CNTN1: variants seen among roughly 807,000 people sequenced by gnomAD.
CNTN1 encodes the protein contactin 1, also known as contactin-1.
CNTN1 carries 38 observed loss-of-function variants against 126.4 expected under a neutral mutation model. That is an observed-to-expected ratio of 0.30 (90% CI 0.23 to 0.39). The LOEUF (loss-of-function observed/expected upper bound fraction) is 0.39, where lower values mean the gene tolerates loss of function less well. Among genes scored for constraint, CNTN1 ranks in the 10% least tolerant of loss-of-function variants. The pLI, the probability that CNTN1 is intolerant of heterozygous loss-of-function variation, is 1.00. For synonymous variants in CNTN1, 413 were observed against 422.6 expected (o/e 0.98, Z 0.28); for missense variants, 1,009 against 1,248.4 (o/e 0.81, Z 2.89).
chr12:40,759,145 C>T (rs1000346471), intron 1 of CNTN1, among the ~76,000 whole-genome samples: 1 of 152,084 alleles, frequency 6.6e-6, no homozygotes, highest in African/African-American at 2.4e-5. Context: ...CTTAAGTGAT[C>T]CATTTGCCTC....
intron 1 of CNTN1, among the ~76,000 whole-genome samples, chr12:40,877,202 G>A (rs1276247102): frequency 6.6e-6 from 1 of 152,152 alleles, no homozygotes; most frequent in Non-Finnish European, 1.5e-5. Flanking sequence ...GCTCAGTGAA[G>A]GTCAGGCATA....
At chr12:40,826,146 T>C (rs1229110486) in intron 1 of CNTN1, among the ~76,000 whole-genome samples, 1 of 152,214 alleles carries the variant, frequency 6.6e-6, no homozygotes, top group East Asian at 1.9e-4. Flanking sequence ...GTTTTGTCAA[T>C]AATTTAGATT....
intron 3 of CNTN1, among the ~76,000 whole-genome samples, chr12:40,916,522 C>T (rs916797555): frequency 9.2e-5 from 14 of 152,022 alleles, no homozygotes; most frequent in African/African-American, 3.4e-4. Context: ...CTCATTTTTT[C>T]CCTGCTGTGC....
intron 17 of CNTN1, among the ~76,000 whole-genome samples, chr12:41,010,295 G>A (rs187005108): frequency 1.1e-3 from 161 of 152,292 alleles, no homozygotes; most frequent in Admixed American, 2.0e-3. Context: ...GGGGCAGTCC[G>A]ACTTCCAATG....
At chr12:40,963,532 G>A (rs116439410) in intron 15 of CNTN1, among the ~76,000 whole-genome samples, 5,191 of 151,438 alleles carry the variant, frequency 0.034, 283 homozygotes, top group African/African-American at 0.12. Flanking sequence ...AATATGTTGC[G>A]TTATGTTTAA....
intron 15 of CNTN1, among the ~76,000 whole-genome samples, chr12:40,976,468 C>T (rs1161207755): frequency 6.6e-6 from 1 of 151,192 alleles, no homozygotes; most frequent in Non-Finnish European, 1.5e-5. Context: ...CTGCATGCAT[C>T]AGGCCATTTG....
intron 1 of CNTN1, among the ~76,000 whole-genome samples, chr12:40,834,579 A>T (rs1348588803): frequency 1.3e-5 from 2 of 152,186 alleles, no homozygotes; most frequent in East Asian, 3.9e-4. Context: ...GCTGGGTGAC[A>T]AGCAGACGAA....
intron 1 of CNTN1, among the ~76,000 whole-genome samples, chr12:40,791,412 T>C (rs1256906103): frequency 6.6e-6 from 1 of 152,136 alleles, no homozygotes; most frequent in African/African-American, 2.4e-5. Context: ...CTTGAATTGT[T>C]CTTTGTAACC....
chr12:40,864,568 G>A (rs1156769085), intron 1 of CNTN1, among the ~76,000 whole-genome samples: 1 of 151,954 alleles, frequency 6.6e-6, no homozygotes, highest in African/African-American at 2.4e-5. Context: ...GACACTTCAT[G>A]TGAATGAAAT....
intron 1 of CNTN1, among the ~76,000 whole-genome samples, chr12:40,783,668 G>A (rs767744836): frequency 6.6e-6 from 1 of 151,970 alleles, no homozygotes; most frequent in South Asian, 2.1e-4. Flanking sequence ...AAAACAACTT[G>A]TATTTTAGAA....
At chr12:40,803,085 G>C (rs750464393) in intron 1 of CNTN1, among the ~76,000 whole-genome samples, 23 of 151,958 alleles carry the variant, frequency 1.5e-4, no homozygotes, top group Non-Finnish European at 3.1e-4. Context: ...GGGTGCAATG[G>C]TTTGGGTACC....
intron 1 of CNTN1, among the ~76,000 whole-genome samples, chr12:40,796,329 G>A (rs1940427356): frequency 6.6e-6 from 1 of 151,954 alleles, no homozygotes. Flanking sequence ...TAATAGATTT[G>A]CTTCAGACCT....
chr12:40,884,153 CTTATA>C (rs746940457), intron 1 of CNTN1, among the ~76,000 whole-genome samples: 3 of 151,466 alleles, frequency 2.0e-5, no homozygotes, highest in Non-Finnish European at 4.4e-5. Context: ...GTTTAATCCA[CTTATA>C]TTTATTATAA....
chr12:41,019,926 G>A (rs1948870466), intron 19 of CNTN1, among the ~76,000 whole-genome samples: 1 of 151,952 alleles, frequency 6.6e-6, no homozygotes, highest in African/African-American at 2.4e-5. Flanking sequence ...AGAGTTGACA[G>A]CTAAATATTA....
intron 17 of CNTN1, among the ~76,000 whole-genome samples, chr12:40,999,077 G>T (rs978622954): frequency 4.6e-5 from 7 of 152,058 alleles, no homozygotes; most frequent in Admixed American, 1.3e-4. Flanking sequence ...TAAGCATTCA[G>T]ATCTGAAAGG....
At chr12:40,716,198 G>GTACT (rs1249535831) in intron 1 of CNTN1, among the ~76,000 whole-genome samples, 1 of 151,314 alleles carries the variant, frequency 6.6e-6, no homozygotes, top group African/African-American at 2.4e-5. Context: ...CCTTGCAAGG[G>GTACT]TACTAGATGC....
intron 3 of CNTN1, among the ~76,000 whole-genome samples, chr12:40,914,160 A>G (rs1189447486): frequency 6.6e-6 from 1 of 152,168 alleles, no homozygotes; most frequent in Non-Finnish European, 1.5e-5. Flanking sequence ...AAAATTTGTC[A>G]TCTAAGTGTT....
intron 17 of CNTN1, among the ~76,000 whole-genome samples, chr12:40,993,904 G>C (rs915600529): frequency 6.6e-6 from 1 of 152,078 alleles, no homozygotes; most frequent in African/African-American, 2.4e-5. Flanking sequence ...TAAGTATTCA[G>C]AGTCCAGAGT....
At chr12:40,958,979 A>T in intron 14 of CNTN1, 135 bp from the exon 15 acceptor site, 1 of 967,614 alleles carries the variant, frequency 1.0e-6, no homozygotes, top group Non-Finnish European at 1.6e-6. Flanking sequence ...GCAAGGACAT[A>T]GAGTTAGCAT....
Sources: gnomAD v4.1 joint callset for allele counts (sites outside exome capture counted in the v4.1 genomes callset) on GRCh38, gnomAD v4.1.1 for gene constraint, MANE v1.5 for transcripts, NCBI Gene and HGNC (gene_info 2026-07-23, HGNC 2026-07-21) for gene names.